The following RASA3 variants were observed in gnomAD, a reference collection of about 807,000 sequenced individuals.
RASA3 encodes the protein RAS p21 protein activator 3.
A neutral mutation model predicts 110.0 loss-of-function variants in RASA3; 73 were observed. The ratio of observed to expected loss-of-function variants is 0.66; its 90% CI spans 0.55 to 0.81. RASA3 has a LOEUF of 0.81. Ranked by LOEUF, RASA3 falls within the 30% of genes least tolerant of loss-of-function variation. RASA3 has a pLI of 0.00. For missense variants in RASA3, 976 were observed against 1,113.2 expected (o/e 0.88, Z 1.75); for synonymous variants, 500 against 451.4 (o/e 1.11, Z -1.37).
chr13:114,034,569 G>A (rs896366886), intron 4 of RASA3, among the ~76,000 whole-genome samples: 2 of 152,218 alleles, frequency 1.3e-5, no homozygotes, highest in Non-Finnish European at 2.9e-5. Context: ...CAGCTGACTT[G>A]TGTGCTTTCG....
rs879859844 is a variant in RASA3, at chr13:114,014,679, C to T, written c.1405+530G>A. On this transcript the variant is annotated intron_variant, in intron 14 of 23. Coordinates refer to ENST00000334062, the MANE Select transcript of RASA3 (RefSeq NM_007368.4). The surrounding 1 kb of genome is among the most constrained non-coding windows in gnomAD (Gnocchi z 4.5). Reference sequence around the variant, plus strand: ...GTTTGGGTGCTGGATGCCCAGGTCCCTAGGGGATCTCCGGCTTGGGGGTTT... The same window carrying T: ...GTTTGGGTGCTGGATGCCCAGGTCCTTAGGGGATCTCCGGCTTGGGGGTTT... Among the ~76,000 whole-genome samples, 1 of 152,078 alleles carries T rather than the reference C, an allele frequency of 6.6e-6. No homozygotes were observed. Among genetic ancestry groups the T allele is most frequent in the Non-Finnish European group, 1.5e-5 (1 of 67,984 alleles).
At chr13:114,024,691 C>G (rs559742742) in intron 7 of RASA3, among the ~76,000 whole-genome samples, 2 of 152,230 alleles carry the variant, frequency 1.3e-5, no homozygotes, top group Non-Finnish European at 2.9e-5. Flanking sequence ...CCTGCCACCC[C>G]GTGAGGGAGG....
chr13:114,007,685 G>T, intron 17 of RASA3, 79 bp from the exon 18 acceptor site: 1 of 1,191,884 alleles, frequency 8.4e-7, no homozygotes, highest in South Asian at 1.2e-5. Flanking sequence ...CAACAGCGTC[G>T]GCGGCTACTG....
At chr13:114,025,372 C>T (rs2139355391) in intron 7 of RASA3, among the ~76,000 whole-genome samples, 1 of 152,376 alleles carries the variant, frequency 6.6e-6, no homozygotes, top group Admixed American at 6.5e-5. Context: ...CCCCCAACTT[C>T]CCCATCTCAC....
At chr13:114,032,681 C>T (rs1407393116) in intron 4 of RASA3, among the ~76,000 whole-genome samples, 6 of 147,480 alleles carry the variant, frequency 4.1e-5, no homozygotes, top group Non-Finnish European at 9.0e-5. Flanking sequence ...CCACGTTCCA[C>T]GGCACCCCCA....
intron 2 of RASA3, among the ~76,000 whole-genome samples, chr13:114,053,343 C>A (rs1038554570): frequency 6.6e-6 from 1 of 152,244 alleles, no homozygotes; most frequent in Non-Finnish European, 1.5e-5. Flanking sequence ...TTCAGCAAAC[C>A]TTCCTGTTGT....
At position 114,115,706 on chromosome 13, in the gene RASA3, G is replaced by T. The variant is rs2080266957; in HGVS notation, c.55+16729C>A. Reference sequence around the variant, plus strand: ...ACAAACGCTCTCTAACCGGTCCAGAGGTCAGAAACAGCCGCAGTCTCCTAC... The same window carrying T: ...ACAAACGCTCTCTAACCGGTCCAGATGTCAGAAACAGCCGCAGTCTCCTAC... On this transcript the variant is annotated intron_variant, in intron 1 of 23. Coordinates refer to ENST00000334062, the MANE Select transcript of RASA3 (RefSeq NM_007368.4). The surrounding 1 kb of genome is among the most constrained non-coding windows in gnomAD (Gnocchi z 5.0). 6.6e-6 allele frequency among the ~76,000 whole-genome samples: 1 copy of T among 152,098 alleles called. No individual in the cohort carries two copies. Among genetic ancestry groups the T allele is most frequent in the Admixed American group, 6.5e-5 (1 of 15,276 alleles).
intron 1 of RASA3, among the ~76,000 whole-genome samples, chr13:114,118,681 C>T (rs2080327418): frequency 1.3e-5 from 2 of 152,268 alleles, no homozygotes; most frequent in Admixed American, 1.3e-4. Flanking sequence ...GGACTAGCGT[C>T]TAAGCAAGTG....
chr13:114,092,788 AGTCT>A (rs1268651941), intron 1 of RASA3, among the ~76,000 whole-genome samples: 1 of 152,180 alleles, frequency 6.6e-6, no homozygotes, highest in African/African-American at 2.4e-5. Flanking sequence ...ATTGTATTAC[AGTCT>A]GTCTCTCTCT....
chr13:114,121,243 G>A (rs530505440), intron 1 of RASA3, among the ~76,000 whole-genome samples: 1 of 152,220 alleles, frequency 6.6e-6, no homozygotes. Context: ...TCGGACCCCC[G>A]TGCCCCAAAC....
chr13:114,024,547 G>A (rs2053992172), intron 7 of RASA3, among the ~76,000 whole-genome samples, 192 bp from the exon 8 acceptor site: 1 of 152,250 alleles, frequency 6.6e-6, no homozygotes, highest in Non-Finnish European at 1.5e-5. Context: ...CCTACTCACG[G>A]CGCCCCTGGA....
intron 4 of RASA3, among the ~76,000 whole-genome samples, chr13:114,032,371 G>A (rs1387287106): frequency 1.3e-5 from 2 of 152,082 alleles, no homozygotes; most frequent in East Asian, 3.9e-4. Flanking sequence ...CTCTATATCC[G>A]ACCCATGGGC....
At chr13:113,991,959 A>G (rs1159380497) in intron 22 of RASA3, among the ~76,000 whole-genome samples, 1 of 152,096 alleles carries the variant, frequency 6.6e-6, no homozygotes, top group Admixed American at 6.5e-5. Context: ...ACACTCACAC[A>G]CGTCCATTCA....
At chr13:114,054,860 C>T (rs931061346) in intron 2 of RASA3, among the ~76,000 whole-genome samples, 1 of 152,262 alleles carries the variant, frequency 6.6e-6, no homozygotes, top group African/African-American at 2.4e-5. Context: ...GTTGACGCAG[C>T]GAGCCATCCT....
rs372017190 is a variant in RASA3 at position 114,107,245 on chromosome 13, G to A, written c.55+25190C>T. Among the ~76,000 whole-genome samples the A allele has an allele frequency of 7.9e-5, 12 of 152,066 alleles. No individual in the cohort carries two copies. The East Asian group carries it at 1.5e-3, about 20-fold the overall frequency. On this transcript the variant is annotated intron_variant, in intron 1 of 23. Transcript: ENST00000334062. ...GGACAGGCCTGTGTGTCCCACGTTC[G>A]TGTCCTGGTCTTCGCAGGGGATGTG...
At chr13:114,124,942 G>A (rs149171942) in intron 1 of RASA3, among the ~76,000 whole-genome samples, 16 of 152,130 alleles carry the variant, frequency 1.1e-4, no homozygotes, top group South Asian at 4.1e-4. Flanking sequence ...TTGCTGCTAC[G>A]GAAGGCCTTG....
chr13:113,990,114 C>CT (rs1566445061), intron 22 of RASA3, among the ~76,000 whole-genome samples: 1 of 152,154 alleles, frequency 6.6e-6, no homozygotes, highest in East Asian at 1.9e-4. Flanking sequence ...GAGGTGCCTC[C>CT]TTCCTTCCTC....
intron 18 of RASA3, among the ~76,000 whole-genome samples, chr13:114,003,821 G>A (rs2053456441): frequency 6.6e-6 from 1 of 152,108 alleles, no homozygotes. Flanking sequence ...AGATTGTGAG[G>A]TCCGGCTCCA....
chr13:113,998,728 G>A (rs1215636942), intron 20 of RASA3, among the ~76,000 whole-genome samples: 1 of 152,246 alleles, frequency 6.6e-6, no homozygotes, highest in African/African-American at 2.4e-5. Flanking sequence ...CAAACCCACA[G>A]GGAGGGATGT....
Sources: allele counts gnomAD v4.1 joint callset (sites outside exome capture counted in the v4.1 genomes callset), GRCh38; gene constraint gnomAD v4.1.1; non-coding constraint Gnocchi (gnomAD v3.1); transcripts MANE v1.5; gene names NCBI Gene and HGNC (gene_info 2026-07-23, HGNC 2026-07-21).